Variants in KPNA3 observed in about 807,000 individuals in gnomAD.
KPNA3 encodes the protein karyopherin subunit alpha 3.
A neutral mutation model predicts 73.8 loss-of-function variants in KPNA3; 13 were observed. The observed-to-expected ratio is 0.18, with a 90% confidence interval of 0.11 to 0.28. The LOEUF (loss-of-function observed/expected upper bound fraction) is 0.28, where lower values mean the gene tolerates loss of function less well. Among genes scored for constraint, KPNA3 ranks in the 10% least tolerant of loss-of-function variants. The pLI, the probability that KPNA3 is intolerant of heterozygous loss-of-function variation, is 1.00. For synonymous variants in KPNA3, 186 were observed against 206.9 expected (o/e 0.90, Z 0.87); for missense variants, 360 against 618.1 (o/e 0.58, Z 4.43).
chr13:49,775,162 C>CAAA (rs60494803), intron 1 of KPNA3, among the ~76,000 whole-genome samples: 5 of 93,074 alleles, frequency 5.4e-5, no homozygotes, highest in Non-Finnish European at 6.0e-5. Context: ...GACTCTGTCT[C>CAAA]AAAAAAAAAA....
chr13:49,764,066 CAAAA>C (rs11301654), intron 1 of KPNA3, among the ~76,000 whole-genome samples: 4 of 79,954 alleles, frequency 5.0e-5, no homozygotes, highest in Admixed American at 2.8e-4. Flanking sequence ...GACCCTGTCT[CAAAA>C]AAAAAAAAAA....
intron 6 of KPNA3, among the ~76,000 whole-genome samples, chr13:49,727,308 C>T (rs1422064660): frequency 6.6e-6 from 1 of 151,854 alleles, no homozygotes; most frequent in Non-Finnish European, 1.5e-5. Context: ...ATTAGCTGGA[C>T]ATGATGGTGC....
intron 6 of KPNA3, among the ~76,000 whole-genome samples, chr13:49,731,474 A>C (rs1405297299): frequency 2.0e-5 from 3 of 152,182 alleles, no homozygotes; most frequent in African/African-American, 7.2e-5. Flanking sequence ...AGTATTTTAA[A>C]AAGTGTTACA....
chr13:49,722,282 C>T (rs986258247), intron 8 of KPNA3, among the ~76,000 whole-genome samples, 158 bp from the exon 9 acceptor site: 3 of 152,154 alleles, frequency 2.0e-5, no homozygotes, highest in Non-Finnish European at 2.9e-5. Context: ...ATCTGGGGAA[C>T]GTAAATTTAA....
At chr13:49,781,322 G>A (rs771376158) in intron 1 of KPNA3, among the ~76,000 whole-genome samples, 7 of 152,062 alleles carry the variant, frequency 4.6e-5, no homozygotes, top group Non-Finnish European at 7.4e-5. Flanking sequence ...GGCTATTAAG[G>A]GCATGGAGTT....
At chr13:49,748,004 A>C (rs1345756143) in intron 1 of KPNA3, among the ~76,000 whole-genome samples, 3 of 152,240 alleles carry the variant, frequency 2.0e-5, no homozygotes, top group African/African-American at 7.2e-5. Context: ...CTGAATCTTA[A>C]GGAGAAAGGG....
intron 15 of KPNA3, among the ~76,000 whole-genome samples, chr13:49,705,383 T>C (rs979713503): frequency 5.3e-5 from 8 of 151,534 alleles, no homozygotes; most frequent in African/African-American, 1.9e-4. Flanking sequence ...AAAGCTATGT[T>C]GTCAATCTCT....
chr13:49,761,453 C>A (rs999386945), intron 1 of KPNA3, among the ~76,000 whole-genome samples: 1 of 152,394 alleles, frequency 6.6e-6, no homozygotes, highest in East Asian at 1.9e-4. Flanking sequence ...GTTGGCCGGG[C>A]TGGTCTCCAG....
intron 2 of KPNA3, among the ~76,000 whole-genome samples, chr13:49,745,290 C>G (rs1379142527): frequency 6.6e-6 from 1 of 151,982 alleles, no homozygotes; most frequent in African/African-American, 2.4e-5. Context: ...TCTAGTGACT[C>G]TAAGAAAATG....
chr13:49,750,893 G>A (rs1954656886), intron 1 of KPNA3, among the ~76,000 whole-genome samples: 1 of 152,162 alleles, frequency 6.6e-6, no homozygotes, highest in African/African-American at 2.4e-5. Flanking sequence ...TCAGTAGGCT[G>A]AGGCACAAGA....
At chr13:49,775,538 T>A (rs1288791311) in intron 1 of KPNA3, among the ~76,000 whole-genome samples, 1 of 152,196 alleles carries the variant, frequency 6.6e-6, no homozygotes, top group Non-Finnish European at 1.5e-5. Context: ...TTAAAAAATA[T>A]TTGTTTCTGC....
intron 11 of KPNA3, among the ~76,000 whole-genome samples, chr13:49,710,688 A>G (rs1954251773): frequency 6.6e-6 from 1 of 152,190 alleles, no homozygotes; most frequent in South Asian, 2.1e-4. Flanking sequence ...AAGGGTCAAG[A>G]ACAATTGGCT....
intron 2 of KPNA3, among the ~76,000 whole-genome samples, chr13:49,736,289 C>T (rs1414598230): frequency 6.6e-6 from 1 of 152,014 alleles, no homozygotes; most frequent in Non-Finnish European, 1.5e-5. Flanking sequence ...GGATATTCAC[C>T]CACAAGTTTT....
intron 1 of KPNA3, among the ~76,000 whole-genome samples, chr13:49,763,089 A>C (rs1033106919): frequency 6.6e-6 from 1 of 152,136 alleles, no homozygotes; most frequent in Non-Finnish European, 1.5e-5. Context: ...CTAAATTAAC[A>C]CTTAGGTTAT....
chr13:49,772,255 C>T (rs1441373547), intron 1 of KPNA3, among the ~76,000 whole-genome samples: 2 of 152,102 alleles, frequency 1.3e-5, no homozygotes, highest in African/African-American at 2.4e-5. Flanking sequence ...TATTCCTGAT[C>T]TTAGGGGGAA....
At chr13:49,779,921 T>C (rs1954927545) in intron 1 of KPNA3, among the ~76,000 whole-genome samples, 1 of 152,136 alleles carries the variant, frequency 6.6e-6, no homozygotes, top group Non-Finnish European at 1.5e-5. Context: ...CTGCAATTAC[T>C]GCCCCTCCTT....
chr13:49,761,120 A>G (rs537722859), intron 1 of KPNA3, among the ~76,000 whole-genome samples: 40 of 152,288 alleles, frequency 2.6e-4, no homozygotes, highest in Non-Finnish European at 4.7e-4. Flanking sequence ...CTGTTCTACA[A>G]CAACTGGATC....
chr13:49,789,285 AC>A (rs1955012034), intron 1 of KPNA3, among the ~76,000 whole-genome samples: 1 of 152,158 alleles, frequency 6.6e-6, no homozygotes, highest in African/African-American at 2.4e-5. Context: ...ATATTTATTC[AC>A]CAGTTAACAT....
At chr13:49,785,797 G>A (rs1283558534) in intron 1 of KPNA3, among the ~76,000 whole-genome samples, 1 of 152,078 alleles carries the variant, frequency 6.6e-6, no homozygotes, top group Non-Finnish European at 1.5e-5. Context: ...ATAGATTCCT[G>A]AAACACTTTA....
Sources: gnomAD v4.1 joint callset for allele counts (sites outside exome capture counted in the v4.1 genomes callset) on GRCh38, gnomAD v4.1.1 for gene constraint, MANE v1.5 for transcripts, NCBI Gene and HGNC (gene_info 2026-07-23, HGNC 2026-07-21) for gene names.